OR56A3: variants seen among roughly 807,000 people sequenced by gnomAD.
OR56A3 encodes olfactory receptor 56A3.
Under a neutral mutation model 17.5 loss-of-function variants are expected in OR56A3, and 23 were observed. That is an observed-to-expected ratio of 1.32 (90% confidence interval 0.95 to 1.87). The LOEUF (loss-of-function observed/expected upper bound fraction) is 1.87. Among genes scored for constraint, OR56A3 ranks in the 40% most tolerant of loss-of-function variants. The pLI is 0.00. For synonymous variants in OR56A3, 175 were observed against 150.6 expected (o/e 1.16, Z -1.19); for missense variants, 366 against 380.1 (o/e 0.96, Z 0.31).
chr11:5,942,432 G>C (rs1490871405), intron 1 of OR56A3, 58 bp downstream of exon 1: 1 of 152,186 alleles, frequency 6.6e-6, no homozygotes, highest in Non-Finnish European at 1.5e-5. Context: ...TGGGTGCTTG[G>C]TGGTAGCAGA....
At chr11:6,008,465 T>A in the OR56A3 span, among the ~76,000 whole-genome samples, 21 of 152,232 alleles carry the variant, frequency 1.4e-4, no homozygotes, top group East Asian at 2.9e-3. Context: ...AATATTCTTA[T>A]CCTCAGAATT....
At chr11:6,013,888 A>G in the OR56A3 span, among the ~76,000 whole-genome samples, 45,606 of 151,904 alleles carry the variant, frequency 0.3, 8,029 homozygotes, top group East Asian at 0.79. Flanking sequence ...CAACCTGTGC[A>G]TGCCACCTGG....
the OR56A3 span, among the ~76,000 whole-genome samples, chr11:5,987,342 TTTTCTCTATCTCATTA>T: frequency 2.0e-5 from 3 of 152,168 alleles, no homozygotes; most frequent in African/African-American, 2.4e-5. Flanking sequence ...GGTCCCACCA[TTTTCTCTATCTCATTA>T]TGTCATTGAT....
the OR56A3 span, chr11:6,019,756 C>T: frequency 6.6e-6 from 1 of 152,216 alleles, no homozygotes; most frequent in South Asian, 2.1e-4. Context: ...AACCTGACTT[C>T]TAAACTTAAA....
chr11:5,944,533 A>G (rs184341166), intron 1 of OR56A3, among the ~76,000 whole-genome samples: 3 of 152,374 alleles, frequency 2.0e-5, no homozygotes, highest in African/African-American at 4.8e-5. Context: ...ATGCATCACT[A>G]TGGTGACACA....
At chr11:5,951,567 TC>T (rs1290337101), downstream of OR56A3, among the ~76,000 whole-genome samples, 1 of 152,134 alleles carries the variant, frequency 6.6e-6, no homozygotes, top group Non-Finnish European at 1.5e-5. Context: ...CCTTGCATTT[TC>T]CCACACATTA....
At chr11:6,000,681 G>C in the OR56A3 span, 1 of 152,154 alleles carries the variant, frequency 6.6e-6, no homozygotes, top group African/African-American at 2.4e-5. Context: ...AATGGTAAAA[G>C]AAGGCTGATG....
the OR56A3 span, chr11:5,986,184 A>G: frequency 6.2e-7 from 1 of 1,613,692 alleles, no homozygotes; most frequent in African/African-American, 1.3e-5. Flanking sequence ...GTCGGGCCTC[A>G]CTCCCTGGTA....
the OR56A3 span, among the ~76,000 whole-genome samples, chr11:6,005,953 C>G: frequency 6.6e-6 from 1 of 152,050 alleles, no homozygotes; most frequent in Admixed American, 6.6e-5. Context: ...AAAGGCGAAT[C>G]GTGGAAGGTA....
the OR56A3 span, among the ~76,000 whole-genome samples, chr11:5,992,157 A>C: frequency 6.6e-6 from 1 of 152,164 alleles, no homozygotes; most frequent in Non-Finnish European, 1.5e-5. Flanking sequence ...ACCCCAGTAA[A>C]TTATTTAGTG....
the OR56A3 span, among the ~76,000 whole-genome samples, chr11:6,015,116 G>T: frequency 6.6e-6 from 1 of 151,636 alleles, no homozygotes; most frequent in African/African-American, 2.4e-5. Context: ...CCCATTTTCA[G>T]GGAGGCATTC....
chr11:5,996,584 T>G, the OR56A3 span, among the ~76,000 whole-genome samples: 1 of 151,664 alleles, frequency 6.6e-6, no homozygotes, highest in Admixed American at 6.6e-5. Flanking sequence ...AATGTGGTAA[T>G]AAGAGCACCG....
chr11:5,967,793 C>G, the OR56A3 span: 1 of 1,581,072 alleles, frequency 6.3e-7, no homozygotes, highest in East Asian at 2.3e-5. Flanking sequence ...CCATATCTCC[C>G]TCACCCTTAA....
intron 1 of OR56A3, chr11:5,943,513 T>TAAAAAAA (rs375923866): frequency 4.4e-5 from 6 of 136,854 alleles, no homozygotes; most frequent in African/African-American, 1.4e-4. Context: ...TGATTTTCTT[T>TAAAAAAA]AAAAAAAAAA....
the OR56A3 span, among the ~76,000 whole-genome samples, chr11:5,981,144 G>T: frequency 6.6e-6 from 1 of 152,084 alleles, no homozygotes; most frequent in Non-Finnish European, 1.5e-5. Context: ...TGTGTCTTGA[G>T]GATGGTCATC....
At chr11:5,982,875 C>A in the OR56A3 span, among the ~76,000 whole-genome samples, 1 of 152,276 alleles carries the variant, frequency 6.6e-6, no homozygotes, top group East Asian at 1.9e-4. Flanking sequence ...CCCCAGGAGC[C>A]ACTCAAGGCC....
At chr11:6,008,628 T>C in the OR56A3 span, among the ~76,000 whole-genome samples, 59 of 152,136 alleles carry the variant, frequency 3.9e-4, no homozygotes, top group Middle Eastern at 3.4e-3. Context: ...TTTCCTCATC[T>C]GAAATATGAG....
At chr11:5,980,561 C>T in the OR56A3 span, among the ~76,000 whole-genome samples, 13 of 152,166 alleles carry the variant, frequency 8.5e-5, no homozygotes, top group African/African-American at 3.1e-4. Flanking sequence ...TTGCTTTGAG[C>T]CTATGAATGT....
chr11:5,967,574 C>G, the OR56A3 span: 1 of 1,600,390 alleles, frequency 6.2e-7, no homozygotes, highest in Non-Finnish European at 8.5e-7. Context: ...TCAGCAGGTT[C>G]TGGATTCCCT....
Sources: gnomAD v4.1 joint callset for allele counts (sites outside exome capture counted in the v4.1 genomes callset) on GRCh38, gnomAD v4.1.1 for gene constraint, MANE v1.5 for transcripts, NCBI Gene and HGNC (gene_info 2026-07-23, HGNC 2026-07-21) for gene names.